Variants in HDAC4 observed in about 807,000 individuals in gnomAD.
HDAC4 encodes histone deacetylase 4, also known as histone deacetylase A.
In HDAC4, 16 loss-of-function variants were observed where a neutral mutation model predicts 135.1. The ratio of observed to expected loss-of-function variants is 0.12; its 90% CI spans 0.08 to 0.18. HDAC4 has a LOEUF of 0.18. Among genes scored for constraint, HDAC4 ranks in the 10% least tolerant of loss-of-function variants. HDAC4 has a pLI of 1.00. For missense variants in HDAC4, 1,143 were observed against 1,511.8 expected (o/e 0.76, Z 4.05); for synonymous variants, 685 against 653.4 (o/e 1.05, Z -0.74).
intron 3 of HDAC4, among the ~76,000 whole-genome samples, chr2:239,216,868 C>T (rs1319066823): frequency 1.6e-4 from 24 of 152,230 alleles, no homozygotes. Context: ...AGAATGTGCA[C>T]AGGAAGGAAG....
intron 2 of HDAC4, among the ~76,000 whole-genome samples, chr2:239,338,313 A>G (rs1188395150): frequency 6.6e-6 from 1 of 151,982 alleles, no homozygotes; most frequent in African/African-American, 2.4e-5. Flanking sequence ...ACCCTCTAAT[A>G]CAACTGGGGC....
chr2:239,341,855 C>T (rs1473932721), intron 2 of HDAC4, among the ~76,000 whole-genome samples: 1 of 152,084 alleles, frequency 6.6e-6, no homozygotes, highest in Non-Finnish European at 1.5e-5. Flanking sequence ...AATCTAATAC[C>T]CAATGTGACA....
chr2:239,131,217 G>T (rs747511500), intron 11 of HDAC4, among the ~76,000 whole-genome samples: 2 of 152,178 alleles, frequency 1.3e-5, no homozygotes, highest in Non-Finnish European at 2.9e-5. Flanking sequence ...AGGCAGCTCT[G>T]GGAGACCCTG....
intron 2 of HDAC4, among the ~76,000 whole-genome samples, chr2:239,239,055 G>T (rs2048767): frequency 0.14 from 21,870 of 152,156 alleles, 2,199 homozygotes; most frequent in East Asian, 0.37. Context: ...TGGCGGGTGG[G>T]GTGGTTTCTG....
intron 1 of HDAC4, among the ~76,000 whole-genome samples, chr2:239,370,409 T>C (rs1355044501): frequency 1.3e-5 from 2 of 152,140 alleles, no homozygotes; most frequent in Non-Finnish European, 2.9e-5. Flanking sequence ...CCAATCAAGA[T>C]GCAGTTTTAA....
intron 2 of HDAC4, among the ~76,000 whole-genome samples, chr2:239,341,949 G>A (rs894389820): frequency 6.6e-6 from 1 of 152,130 alleles, no homozygotes; most frequent in African/African-American, 2.4e-5. Context: ...AGAGGTTCAA[G>A]TGAGACCCCT....
intron 7 of HDAC4, among the ~76,000 whole-genome samples, chr2:239,150,847 A>G (rs1035470820): frequency 6.7e-6 from 1 of 150,222 alleles, no homozygotes; most frequent in African/African-American, 2.5e-5. Flanking sequence ...CACATACAGC[A>G]GCAGGAAGTC....
At chr2:239,234,825 C>T (rs1201104516) in intron 3 of HDAC4, among the ~76,000 whole-genome samples, 2 of 152,100 alleles carry the variant, frequency 1.3e-5, no homozygotes, top group African/African-American at 2.4e-5. Flanking sequence ...AATTTGAAGC[C>T]CACCTTTTTT....
rs1195230002 is a variant in HDAC4 at position 239,050,696 on chromosome 2, G to C, written c.*2401C>G. 1 of 152,640 alleles carries C rather than the reference G, an allele frequency of 6.6e-6. No homozygotes were observed. The highest frequency in any genetic ancestry group is 2.4e-5 in the African/African-American group (1 of 41,450). The allele number at this position is 152,640 out of a possible 1,614,324, so 9.5% of individuals were successfully genotyped here. On this transcript the variant is annotated 3_prime_UTR_variant, in exon 27 of 27. Coordinates refer to ENST00000543185, the MANE Select transcript of HDAC4 (RefSeq NM_001378414.1). ...ACCAAACTCCGAAACTCGGCTCTGG[G>C]TCCCTCCTGAGCACGGTGTGTCTGA...
At chr2:239,082,284 G>A (rs2035414927) in intron 20 of HDAC4, 63 bp from the exon 21 acceptor site, 1 of 1,607,190 alleles carries the variant, frequency 6.2e-7, no homozygotes, top group Non-Finnish European at 8.5e-7. Flanking sequence ...CCTCCCCTGA[G>A]GGCCGTCCCC....
chr2:239,398,977 A>C (rs1435970126), intron 1 of HDAC4, among the ~76,000 whole-genome samples: 1 of 152,232 alleles, frequency 6.6e-6, no homozygotes, highest in East Asian at 1.9e-4. Flanking sequence ...TGATCTCTAA[A>C]ATAAAAGCCC....
chr2:239,298,301 G>A, intron 2 of HDAC4: 1 of 1,252,214 alleles, frequency 8.0e-7, no homozygotes, highest in Non-Finnish European at 1.0e-6. Context: ...GCTTCCAGAA[G>A]CTGGGGGAGC....
chr2:239,069,966 G>C (rs1235352842), intron 22 of HDAC4, among the ~76,000 whole-genome samples: 1 of 152,158 alleles, frequency 6.6e-6, no homozygotes, highest in Non-Finnish European at 1.5e-5. Context: ...ACCCCTCCTT[G>C]GCCCCGTGCC....
intron 8 of HDAC4, among the ~76,000 whole-genome samples, chr2:239,144,325 C>T (rs2041608581): frequency 6.6e-6 from 1 of 152,160 alleles, no homozygotes; most frequent in Non-Finnish European, 1.5e-5. Flanking sequence ...GCTGGGGCAC[C>T]CTTGTGCACC....
intron 1 of HDAC4, among the ~76,000 whole-genome samples, chr2:239,392,901 G>A (rs1236262701): frequency 6.6e-6 from 1 of 152,230 alleles, no homozygotes. Context: ...GAATTCTGGT[G>A]TGTAAACCGG....
intron 1 of HDAC4, among the ~76,000 whole-genome samples, chr2:239,365,018 T>C (rs536235032): frequency 2.3e-4 from 35 of 152,352 alleles, no homozygotes; most frequent in Admixed American, 6.5e-4. Flanking sequence ...AAAATATATA[T>C]GAAATCATTT....
intron 6 of HDAC4, among the ~76,000 whole-genome samples, chr2:239,162,995 G>A (rs1477194501): frequency 6.6e-6 from 1 of 152,140 alleles, no homozygotes; most frequent in Non-Finnish European, 1.5e-5. Flanking sequence ...GAGAGCAGCA[G>A]AAAACTACAT....
chr2:239,094,507 C>T, intron 17 of HDAC4: 1 of 1,024,522 alleles, frequency 9.8e-7, no homozygotes. Flanking sequence ...TTCATATGCC[C>T]AGGCCAGGTC....
intron 5 of HDAC4, among the ~76,000 whole-genome samples, chr2:239,165,448 A>C (rs952023929): frequency 1.3e-5 from 2 of 151,982 alleles, no homozygotes; most frequent in Admixed American, 1.3e-4. Flanking sequence ...TGTTCTTAGA[A>C]TCTTCCGGCG....
Sources: allele counts gnomAD v4.1 joint callset (sites outside exome capture counted in the v4.1 genomes callset), GRCh38; gene constraint gnomAD v4.1.1; transcripts MANE v1.5; gene names NCBI Gene and HGNC (gene_info 2026-07-23, HGNC 2026-07-21).